WSB2: variants seen among roughly 807,000 people sequenced by gnomAD.
WSB2 encodes the protein WD repeat and SOCS box containing 2.
WSB2 carries 12 observed loss-of-function variants against 48.8 expected under a neutral mutation model. The observed-to-expected ratio is 0.25, with a 90% confidence interval of 0.16 to 0.40. The LOEUF is 0.40. Among genes scored for constraint, WSB2 ranks in the 10% least tolerant of loss-of-function variants. The pLI is 1.00. For missense variants in WSB2, 317 were observed against 506.2 expected, an observed-to-expected ratio of 0.63 and a Z score of 3.59; for synonymous variants, 191 against 203.1, an observed-to-expected ratio of 0.94 and a Z score of 0.51.
At chr12:118,034,893 G>A in intron 8 of WSB2, 93 bp downstream of exon 8, 1 of 1,245,778 alleles carries the variant, frequency 8.0e-7, no homozygotes, top group Non-Finnish European at 1.1e-6. Flanking sequence ...TTCCTCATAG[G>A]CAAGAAAATT....
intron 5 of WSB2, among the ~76,000 whole-genome samples, chr12:118,036,735 T>C (rs887822842): frequency 1.3e-5 from 2 of 152,164 alleles, no homozygotes; most frequent in Non-Finnish European, 1.5e-5. Context: ...GAGCTCACTA[T>C]AAGAGAGAAT....
chr12:118,042,800 G>A, intron 4 of WSB2, 41 bp downstream of exon 4: 1 of 1,600,758 alleles, frequency 6.2e-7, no homozygotes, highest in Non-Finnish European at 8.5e-7. Flanking sequence ...AGCAAATACA[G>A]TATTTTTGGA....
At chr12:118,034,670 A>C in intron 8 of WSB2, 1 of 494,260 alleles carries the variant, frequency 2.0e-6, no homozygotes, top group East Asian at 3.5e-5. Context: ...TGAATTATAG[A>C]TGTTACCTGT....
At position 118,060,283 on chromosome 12, in the gene WSB2, CCT is replaced by C. The variant is rs1317458134; in HGVS notation, c.13+751_13+752del. 6.6e-6 allele frequency among the ~76,000 whole-genome samples: 1 copy of C among 152,080 alleles called. No individual in the cohort carries two copies. The highest frequency in any genetic ancestry group is 1.5e-5 in the Non-Finnish European group (1 of 68,030). ...GGCTGGCTTGAGGTATATCCAATAT[CCT>C]CTGACTTCCACGCTGTCTTCTGATG... On this transcript the variant is annotated intron_variant, in intron 1 of 8. Transcript: ENST00000315436. This position sits in a 1 kb window ranked among gnomAD's most constrained non-coding sequence, Gnocchi z 4.1.
At chr12:118,036,627 T>G in intron 5 of WSB2, 117 bp from the exon 6 acceptor site, 47 of 1,095,854 alleles carry the variant, frequency 4.3e-5, no homozygotes, top group Non-Finnish European at 5.5e-5. Flanking sequence ...GCTGATTCTC[T>G]ATCCCTTTTC....
At chr12:118,043,466 T>C (rs1380707215) in intron 2 of WSB2, 89 bp from the exon 3 acceptor site, 49 of 1,498,672 alleles carry the variant, frequency 3.3e-5, no homozygotes, top group Non-Finnish European at 3.4e-5. Context: ...TTTTGGGGAG[T>C]GGAGGGAAGG....
Position 118,036,386 on chromosome 12 carries a change from T to C in WSB2, c.785A>G (p.Asn262Ser), listed in dbSNP as rs779739161. Residue 262 changes from asparagine to serine, a missense_variant, in exon 6 of 9, where the codon AAT becomes AGT. Physicochemically the swap from Asn to Ser is conservative, Grantham distance 46. Around this residue, in one of 2 missense-constraint regions of WSB2, gnomAD observed 189 missense variants for 349.6 expected, o/e 0.54. Transcript: ENST00000315436. ...ALLVTASYDT[N>S]VIMWDPYTGE... ...GGTGTAGGGGTCCCACATAATCACATTGGTATCGTAAGAAGCCGTGACAAG... is the reference window on the plus strand; with the variant it reads ...GGTGTAGGGGTCCCACATAATCACACTGGTATCGTAAGAAGCCGTGACAAG... 8.1e-6 allele frequency: 13 copies of C among 1,614,124 alleles called. 1 individual carries two copies. The highest frequency in any genetic ancestry group is 4.4e-5 in the South Asian group (4 of 91,086).
At chr12:118,034,841 C>G in intron 8 of WSB2, 145 bp downstream of exon 8, 1 of 707,222 alleles carries the variant, frequency 1.4e-6, no homozygotes, top group Non-Finnish European at 2.3e-6. Flanking sequence ...TTAGCAAAAT[C>G]GATCATTTGA....
At chr12:118,038,235 C>T (rs1344643867) in intron 5 of WSB2, 53 bp downstream of exon 5, 1 of 1,541,432 alleles carries the variant, frequency 6.5e-7, no homozygotes, top group Non-Finnish European at 8.8e-7. Flanking sequence ...ACCAGGCCAC[C>T]ACTTCAGACC....
rs370416239 is a variant in WSB2, at chr12:118,035,041, T to A, written c.997A>T (p.Met333Leu). 222 of 1,614,062 alleles carry A rather than the reference T, an allele frequency of 1.4e-4. No homozygotes were observed. The highest frequency in any genetic ancestry group is 1.8e-4 in the Non-Finnish European group (218 of 1,180,050). The change falls in exon 8 of 9, where the codon ATG (methionine) becomes TTG (leucine). Residue 333 changes from methionine to leucine, a missense_variant. Met to Leu is a conservative substitution (Grantham distance 15). Around this residue, in one of 2 missense-constraint regions of WSB2, gnomAD observed 189 missense variants for 349.6 expected, o/e 0.54. Transcript: ENST00000315436. ...AATGTGCAGCAAAGCCCATTGGTCA[T>A]AGGAGCAAATGCAATGGGAGTTTTC... is the stretch of plus-strand genomic sequence containing the variant. ...ELKTPIAFAPMTNGLCCTFFP... is the reference protein window; with the variant it reads ...ELKTPIAFAPLTNGLCCTFFP...
At chr12:118,046,231 C>T (rs374964769) in intron 2 of WSB2, among the ~76,000 whole-genome samples, 7 of 152,138 alleles carry the variant, frequency 4.6e-5, no homozygotes, top group African/African-American at 1.7e-4. Flanking sequence ...GAGGCTGAGG[C>T]GGGCGGATCA....
Position 118,034,038 on chromosome 12 carries a change from A to T in WSB2, c.*158T>A, listed in dbSNP as rs1185959537. 29 of 961,092 alleles carry T rather than the reference A, an allele frequency of 3.0e-5. No individual in the cohort carries two copies. The East Asian group carries it at 7.0e-4, about 23-fold the overall frequency. The allele number at this position is 961,092 out of a possible 1,614,324, so 59.5% of individuals were successfully genotyped here. A position where few individuals can be genotyped will look rare whatever the true frequency, so the allele number is the denominator to read the frequency against. On this transcript the variant is annotated 3_prime_UTR_variant, in exon 9 of 9. Coordinates refer to ENST00000315436, the MANE Select transcript of WSB2 (RefSeq NM_018639.5). The stretch of plus-strand genomic sequence containing the variant: ...TCACATGCCAGGGAGAGAAAGATCC[A>T]TGACTAGTACACTGGAATCTGGTTT...
chr12:118,061,052 G>A lies in WSB2; in HGVS notation c.-4C>T, dbSNP rs1743018590. The A allele has an allele frequency of 1.0e-6, 1 of 985,080 alleles. No individual in the cohort carries two copies. The highest frequency in any genetic ancestry group is 1.2e-6 in the Non-Finnish European group (1 of 830,880). The allele number at this position is 985,080 out of a possible 1,614,324, so 61.0% of individuals were successfully genotyped here. A position where few individuals can be genotyped will look rare whatever the true frequency, so the allele number is the denominator to read the frequency against. ...CCCACTCACCTCCGGCCTCCATGGA[G>A]GACGCGAGCGGCCCCCGCGGCAGGC... On this transcript the variant is annotated 5_prime_UTR_variant, in exon 1 of 9. Coordinates refer to ENST00000315436, the MANE Select transcript of WSB2 (RefSeq NM_018639.5).
In WSB2 at chr12:118,061,077, C is replaced by T; in HGVS notation, c.-29G>A. 1.0e-6 allele frequency: 1 copy of T among 982,432 alleles called. No individual in the cohort carries two copies. The highest frequency in any genetic ancestry group is 1.2e-6 in the Non-Finnish European group (1 of 829,280). 60.9% of individuals were successfully genotyped at this position (982,432 alleles called of 1,614,324 possible). A position where few individuals can be genotyped will look rare whatever the true frequency, so the allele number is the denominator to read the frequency against. ...GGACGCGAGCGGCCCCCGCGGCAGG[C>T]GGCGGGCGCCTCAGCCCCCCGGGCC... On this transcript the variant is annotated 5_prime_UTR_variant, in exon 1 of 9. Coordinates refer to ENST00000315436, the MANE Select transcript of WSB2 (RefSeq NM_018639.5).
intron 2 of WSB2, among the ~76,000 whole-genome samples, chr12:118,045,023 T>C (rs2137780885): frequency 6.6e-6 from 1 of 152,324 alleles, no homozygotes; most frequent in Non-Finnish European, 1.5e-5. Flanking sequence ...ATATTATAGA[T>C]GTTCCTGAAA....
Position 118,052,340 on chromosome 12 carries a change from T to C in WSB2, c.152A>G (p.Lys51Arg), listed in dbSNP as rs1428434570. Residue 51 changes from lysine (K) to arginine (R), a missense_variant, in exon 2 of 9, where the codon AAA becomes AGA. Physicochemically the swap from Lys to Arg is conservative, Grantham distance 26. Transcript: ENST00000315436. ...FAWSQGHCIV[K>R]LIPWPLEEQF... ...CTCCTCCAACGGCCAGGGGATCAGT[T>C]TGACGATGCAGTGTCCTTGAGACCA... 6.2e-7 allele frequency: 1 copy of C among 1,614,118 alleles called. No individual in the cohort carries two copies. Among genetic ancestry groups the C allele is most frequent in the Admixed American group, 1.7e-5 (1 of 60,024 alleles).
At chr12:118,042,599 C>T (rs559619725) in intron 4 of WSB2, 75 of 485,990 alleles carry the variant, frequency 1.5e-4, no homozygotes, top group African/African-American at 1.4e-3. Flanking sequence ...AATATATCTT[C>T]GATATTAAAA....
At position 118,061,105 on chromosome 12, in the gene WSB2, G is replaced by T. The variant is rs1419251260; in HGVS notation, c.-57C>A. ...CGGGCGCCTCAGCCCCCCGGGCCGC[G>T]GGCCCTCATGCCGCCCCCGCGCCGC... On this transcript the variant is annotated 5_prime_UTR_variant, in exon 1 of 9. Coordinates refer to ENST00000315436, the MANE Select transcript of WSB2 (RefSeq NM_018639.5). 7 of 980,210 alleles carry T rather than the reference G, an allele frequency of 7.1e-6. No individual in the cohort carries two copies. The African/African-American group carries it at 1.2e-4, about 17-fold the overall frequency. 60.7% of individuals were successfully genotyped at this position (980,210 alleles called of 1,614,324 possible). A position where few individuals can be genotyped will look rare whatever the true frequency, so the allele number is the denominator to read the frequency against.
intron 1 of WSB2, among the ~76,000 whole-genome samples, chr12:118,059,167 A>G (rs2032016963): frequency 6.6e-6 from 1 of 152,200 alleles, no homozygotes; most frequent in South Asian, 2.1e-4. Context: ...GATGGGCTGT[A>G]AGTAAAAAAT....
Sources: gnomAD v4.1 joint callset for allele counts (sites outside exome capture counted in the v4.1 genomes callset) on GRCh38, gnomAD v4.1.1 for gene constraint, gnomAD v4.1.1 regional missense constraint, Gnocchi (gnomAD v3.1) non-coding constraint, MANE v1.5 for transcripts, NCBI Gene and HGNC (gene_info 2026-07-23, HGNC 2026-07-21) for gene names.